RRM2: variants seen among roughly 807,000 people sequenced by gnomAD.
The protein encoded by RRM2 is ribonucleoside-diphosphate reductase subunit M2.
RRM2 carries 6 observed loss-of-function variants against 45.9 expected under a neutral mutation model. That is an observed-to-expected ratio of 0.13 (90% CI 0.07 to 0.26). RRM2 has a LOEUF of 0.26. Ranked by LOEUF, RRM2 falls within the 10% of genes least tolerant of loss-of-function variation. The probability of loss-of-function intolerance (pLI) is 1.00; values close to 1 mark genes in which losing one functional copy is unlikely to be tolerated. For synonymous variants in RRM2, 177 were observed against 173.0 expected (o/e 1.02, Z -0.18); for missense variants, 343 against 489.5 (o/e 0.70, Z 2.82).
intron 3 of RRM2, chr2:10,192,593 G>T (rs1664332854): frequency 6.5e-6 from 1 of 154,696 alleles, no homozygotes; most frequent in Non-Finnish European, 1.5e-5. Flanking sequence ...GGGAGAGGCG[G>T]CTGGGCACCC....
intron 3 of RRM2, among the ~76,000 whole-genome samples, chr2:10,182,703 C>T (rs1044553975): frequency 1.3e-5 from 2 of 152,154 alleles, no homozygotes; most frequent in East Asian, 3.9e-4. Flanking sequence ...CCATGAGGAC[C>T]GGCAGCTACA....
intron 3 of RRM2, among the ~76,000 whole-genome samples, chr2:10,161,670 ACACACACATT>A (rs1042594999): frequency 3.5e-5 from 5 of 143,166 alleles, no homozygotes; most frequent in Non-Finnish European, 7.5e-5. Context: ...ACTCATGCAC[ACACACACATT>A]CACACACACA....
chr2:10,122,788 G>A lies in RRM2; in HGVS notation c.-11G>A, dbSNP rs1284334445. The A allele has an allele frequency of 1.3e-6, 2 of 1,577,958 alleles. No homozygotes were observed. Among genetic ancestry groups the A allele is most frequent in the African/African-American group, 1.3e-5 (1 of 74,422 alleles). On this transcript the variant is annotated 5_prime_UTR_variant, in exon 1 of 10. Transcript: ENST00000304567. The stretch of plus-strand genomic sequence containing the variant: ...TCCTGGCTGCTCGCTCTGCTTCGCT[G>A]CGCCTCCACTATGCTCTCCCTCCGT...
intron 3 of RRM2, among the ~76,000 whole-genome samples, chr2:10,179,253 G>C (rs1663995193): frequency 6.6e-6 from 1 of 152,096 alleles, no homozygotes; most frequent in Non-Finnish European, 1.5e-5. Context: ...CCTGGGTTCA[G>C]CTATTCTCAT....
intron 3 of RRM2, among the ~76,000 whole-genome samples, chr2:10,146,402 C>T (rs1004421082): frequency 5.3e-5 from 8 of 152,196 alleles, no homozygotes; most frequent in Non-Finnish European, 8.8e-5. Context: ...TTAAAGCTCC[C>T]TGGTAATTCT....
intron 3 of RRM2, among the ~76,000 whole-genome samples, chr2:10,148,251 G>T (rs1344346190): frequency 6.8e-6 from 1 of 147,340 alleles, no homozygotes; most frequent in African/African-American, 2.5e-5. Flanking sequence ...TAAATTCATG[G>T]TTTATATTTA....
intron 3 of RRM2, among the ~76,000 whole-genome samples, chr2:10,183,148 G>A (rs1273490345): frequency 2.0e-5 from 3 of 152,196 alleles, no homozygotes; most frequent in Non-Finnish European, 4.4e-5. Context: ...TCCAGCCTGG[G>A]CCACAGAGCA....
In RRM2 at chr2:10,171,617, G is replaced by T. The variant is rs1663809152; in HGVS notation, n.482+29242G>T. Among the ~76,000 whole-genome samples the T allele has an allele frequency of 6.6e-6, 1 of 152,180 alleles. No individual in the cohort carries two copies. The highest frequency in any genetic ancestry group is 1.5e-5 in the Non-Finnish European group (1 of 68,032). The stretch of plus-strand genomic sequence containing the variant: ...GCTGAACAAAGGAACAGGGTGATCT[G>T]GGAGCAGCAGCAGCCGCTGTCCTGA... On this transcript the variant is annotated intron_variant and non_coding_transcript_variant, in intron 3 of 3. Transcript: ENST00000381786. The surrounding 1 kb of genome is among the most constrained non-coding windows in gnomAD (Gnocchi z 4.1).
In RRM2 at chr2:10,129,446, C is replaced by G; in HGVS notation, c.*60C>G. On this transcript the variant is annotated 3_prime_UTR_variant, in exon 10 of 10. Coordinates refer to ENST00000304567, the MANE Select transcript of RRM2 (RefSeq NM_001034.4). The surrounding 1 kb of genome is among the most constrained non-coding windows in gnomAD (Gnocchi z 4.8). ...TTTTTTTCCATCTCATAAGAAAAAT[C>G]AGCTGAAGTGTTACCAACTAGCCAC... 1 of 1,540,072 alleles carries G rather than the reference C, an allele frequency of 6.5e-7. No individual in the cohort carries two copies. Among genetic ancestry groups the G allele is most frequent in the South Asian group, 1.2e-5 (1 of 80,414 alleles).
At position 10,171,097 on chromosome 2, in the gene RRM2, G is replaced by A. The variant is rs1368102558; in HGVS notation, n.482+28722G>A. On this transcript the variant is annotated intron_variant and non_coding_transcript_variant, in intron 3 of 3. Transcript: ENST00000381786. This position sits in a 1 kb window ranked among gnomAD's most constrained non-coding sequence, Gnocchi z 4.1. ...CAGGCTGCGCCACTCATCATTATAG[G>A]CTGCGCCACTCATTATAGGCTGCGG... 1.3e-5 allele frequency among the ~76,000 whole-genome samples: 2 copies of A among 152,192 alleles called. No homozygotes were observed. Among genetic ancestry groups the A allele is most frequent in the Non-Finnish European group, 2.9e-5 (2 of 68,034 alleles).
chr2:10,163,828 G>A (rs1663622485), intron 3 of RRM2, among the ~76,000 whole-genome samples: 1 of 152,238 alleles, frequency 6.6e-6, no homozygotes, highest in Non-Finnish European at 1.5e-5. Flanking sequence ...TCAGAGTAGT[G>A]GAAGTGCAAA....
chr2:10,206,745 A>C (rs1025894407), intron 3 of RRM2, among the ~76,000 whole-genome samples: 2 of 152,220 alleles, frequency 1.3e-5, no homozygotes, highest in Non-Finnish European at 2.9e-5. Context: ...CAAAGACCAC[A>C]AGAAGATTTT....
intron 3 of RRM2, among the ~76,000 whole-genome samples, chr2:10,209,057 C>CTTTCTTTCTTT (rs1048061514): frequency 3.9e-5 from 4 of 102,514 alleles, no homozygotes; most frequent in Admixed American, 3.8e-4. Context: ...TTCTTTCTTT[C>CTTTCTTTCTTT]TTTTTTTTTT....
chr2:10,192,076 A>C (rs1664317978), intron 3 of RRM2, among the ~76,000 whole-genome samples: 1 of 145,752 alleles, frequency 6.9e-6, no homozygotes, highest in Non-Finnish European at 1.5e-5. Flanking sequence ...CTCAGAGGCC[A>C]GGGTGGGCGG....
At chr2:10,206,439 T>C (rs1034962429) in intron 3 of RRM2, among the ~76,000 whole-genome samples, 5 of 152,084 alleles carry the variant, frequency 3.3e-5, no homozygotes, top group Admixed American at 2.0e-4. Context: ...AGAGTACCCA[T>C]GGAATGTATA....
At position 10,204,150 on chromosome 2, in the gene RRM2, C is replaced by T. The variant is rs1222127680; in HGVS notation, n.483-6161C>T. ...CAACTACCATCATTGGGACAGAGCCCCTGTGCTTGAGACAAGCAGAAGATA... is the reference window on the plus strand; with the variant it reads ...CAACTACCATCATTGGGACAGAGCCTCTGTGCTTGAGACAAGCAGAAGATA... On this transcript the variant is annotated intron_variant and non_coding_transcript_variant, in intron 3 of 3. Transcript: ENST00000381786. This position sits in a 1 kb window ranked among gnomAD's most constrained non-coding sequence, Gnocchi z 4.0. 2.0e-5 allele frequency among the ~76,000 whole-genome samples: 3 copies of T among 151,880 alleles called. No homozygotes were observed. The highest frequency in any genetic ancestry group is 4.8e-5 in the African/African-American group (2 of 41,334).
intron 4 of RRM2, chr2:10,124,209 G>C (rs1472493918): frequency 3.8e-6 from 1 of 266,116 alleles, no homozygotes; most frequent in Middle Eastern, 1.4e-3. Flanking sequence ...GGGTTCAAGC[G>C]ATTCCCCAAC....
intron 3 of RRM2, among the ~76,000 whole-genome samples, chr2:10,149,676 T>C (rs1295674777): frequency 6.6e-6 from 1 of 152,204 alleles, no homozygotes; most frequent in Non-Finnish European, 1.5e-5. Flanking sequence ...GAGGTTTGTG[T>C]GGGAGAAGAA....
chr2:10,142,589 C>T (rs1297735973), intron 3 of RRM2, among the ~76,000 whole-genome samples: 1 of 152,078 alleles, frequency 6.6e-6, no homozygotes, highest in African/African-American at 2.4e-5. Context: ...ATGCCCCAGA[C>T]AGCACGGTCC....
Sources: gnomAD v4.1 joint callset for allele counts (sites outside exome capture counted in the v4.1 genomes callset) on GRCh38, gnomAD v4.1.1 for gene constraint, Gnocchi (gnomAD v3.1) non-coding constraint, MANE v1.5 for transcripts, NCBI Gene and HGNC (gene_info 2026-07-23, HGNC 2026-07-21) for gene names.